CSMD1: variants seen among roughly 807,000 people sequenced by gnomAD.
CSMD1 encodes the protein CUB and sushi domain-containing protein 1.
A neutral mutation model predicts 417.5 loss-of-function variants in CSMD1; 213 were observed. The ratio of observed to expected loss-of-function variants is 0.51; its 90% CI spans 0.46 to 0.57. The LOEUF is 0.57. CSMD1 is among the 20% of genes least tolerant of loss of function. CSMD1 has a pLI of 0.00. For missense variants in CSMD1, 6,923 were observed against 4,529.7 expected (o/e 1.53, Z -15.17); for synonymous variants, 2,862 against 1,736.8 (o/e 1.65, Z -16.11).
chr8:3,875,439 A>G (rs1455015850), intron 5 of CSMD1, among the ~76,000 whole-genome samples: 1 of 152,012 alleles, frequency 6.6e-6, no homozygotes, highest in Non-Finnish European at 1.5e-5. Flanking sequence ...GGAGGGAGTG[A>G]GATGATGTAG....
intron 10 of CSMD1, among the ~76,000 whole-genome samples, chr8:3,506,756 C>A (rs1344588116): frequency 2.0e-5 from 3 of 152,136 alleles, no homozygotes; most frequent in African/African-American, 4.8e-5. Flanking sequence ...GATAATTCAA[C>A]AAGGTTGCTC....
chr8:4,242,091 G>A (rs1396216413), intron 3 of CSMD1, among the ~76,000 whole-genome samples: 1 of 152,058 alleles, frequency 6.6e-6, no homozygotes. Flanking sequence ...CAGAATTTTT[G>A]CATCATCATG....
chr8:3,292,669 C>T (rs1370966592), intron 25 of CSMD1, among the ~76,000 whole-genome samples: 2 of 151,996 alleles, frequency 1.3e-5, no homozygotes, highest in Admixed American at 6.5e-5. Context: ...TTTTGTTTTC[C>T]ATTTGCTTGG....
intron 3 of CSMD1, among the ~76,000 whole-genome samples, chr8:4,145,826 G>C (rs1252921734): frequency 6.6e-6 from 1 of 151,124 alleles, no homozygotes; most frequent in Non-Finnish European, 1.5e-5. Flanking sequence ...GGTTGGAATG[G>C]CTTCCAGGAA....
chr8:4,203,988 C>T (rs979887606), intron 3 of CSMD1, among the ~76,000 whole-genome samples: 8 of 152,210 alleles, frequency 5.3e-5, no homozygotes, highest in African/African-American at 1.7e-4. Flanking sequence ...GTGGTCCCAG[C>T]TACTCGGAAG....
chr8:4,214,015 A>G (rs1563284990), intron 3 of CSMD1, among the ~76,000 whole-genome samples: 1 of 152,212 alleles, frequency 6.6e-6, no homozygotes. Flanking sequence ...AGTTCTGACG[A>G]TGTAAGTAAC....
intron 3 of CSMD1, among the ~76,000 whole-genome samples, chr8:4,251,478 G>A (rs1182907546): frequency 6.6e-6 from 1 of 152,140 alleles, no homozygotes; most frequent in Non-Finnish European, 1.5e-5. Flanking sequence ...TGTTGTAGGA[G>A]CACATATTAG....
At chr8:4,546,875 C>A (rs1797661945) in intron 2 of CSMD1, among the ~76,000 whole-genome samples, 1 of 151,978 alleles carries the variant, frequency 6.6e-6, no homozygotes, top group Non-Finnish European at 1.5e-5. Flanking sequence ...TATCTGTACA[C>A]TGCTAGTTGT....
At chr8:4,979,908 G>A (rs1033128635) in intron 1 of CSMD1, among the ~76,000 whole-genome samples, 1 of 151,992 alleles carries the variant, frequency 6.6e-6, no homozygotes, top group Non-Finnish European at 1.5e-5. Flanking sequence ...CGTGAAGGTG[G>A]GCGCCAGTAC....
chr8:4,235,513 G>A (rs1160552636), intron 3 of CSMD1, among the ~76,000 whole-genome samples: 1 of 152,068 alleles, frequency 6.6e-6, no homozygotes, highest in Non-Finnish European at 1.5e-5. Context: ...AATCTTCTAA[G>A]TAATGGTACA....
chr8:3,636,198 C>T (rs1797037215), intron 7 of CSMD1, among the ~76,000 whole-genome samples: 1 of 152,144 alleles, frequency 6.6e-6, no homozygotes, highest in Non-Finnish European at 1.5e-5. Context: ...CATCTTGTCC[C>T]ATTGGAAGGT....
chr8:4,446,950 AC>A (rs1264268081), intron 2 of CSMD1, among the ~76,000 whole-genome samples: 1 of 151,342 alleles, frequency 6.6e-6, no homozygotes, highest in Admixed American at 6.6e-5. Context: ...AAAAAAAAAA[AC>A]ATTGGCCCTA....
At chr8:4,814,290 G>C (rs962205445) in intron 1 of CSMD1, among the ~76,000 whole-genome samples, 6 of 152,134 alleles carry the variant, frequency 3.9e-5, no homozygotes, top group Non-Finnish European at 8.8e-5. Context: ...TTAATGGCCA[G>C]GCTGGAGCGC....
intron 1 of CSMD1, among the ~76,000 whole-genome samples, chr8:4,909,609 G>A (rs12335154): frequency 0.048 from 7,299 of 152,212 alleles, 207 homozygotes; most frequent in African/African-American, 0.063. Context: ...TTCACCGTGA[G>A]CACTTCATGG....
intron 3 of CSMD1, among the ~76,000 whole-genome samples, chr8:4,336,160 T>A (rs1800157424): frequency 6.6e-6 from 1 of 152,142 alleles, no homozygotes; most frequent in Non-Finnish European, 1.5e-5. Context: ...CCCTGAATAA[T>A]CATACTCCTG....
chr8:4,654,419 C>A (rs1049183573), intron 1 of CSMD1, among the ~76,000 whole-genome samples: 2 of 152,074 alleles, frequency 1.3e-5, no homozygotes, highest in African/African-American at 4.8e-5. Flanking sequence ...AGAGCAAATT[C>A]TTTGCTTGGT....
chr8:3,811,129 A>G (rs2720887), intron 5 of CSMD1, among the ~76,000 whole-genome samples: 14,393 of 152,156 alleles, frequency 0.095, 1,011 homozygotes, highest in East Asian at 0.35. Flanking sequence ...ACCTATGTCC[A>G]TAACTCCTCT....
intron 2 of CSMD1, among the ~76,000 whole-genome samples, chr8:4,597,981 A>AT (rs1800375086): frequency 1.3e-5 from 2 of 151,514 alleles, no homozygotes; most frequent in Admixed American, 6.6e-5. Flanking sequence ...TATGTGATTT[A>AT]TTTTTATATA....
At chr8:3,485,782 T>C (rs868622155) in intron 11 of CSMD1, among the ~76,000 whole-genome samples, 2 of 119,952 alleles carry the variant, frequency 1.7e-5, no homozygotes, top group Admixed American at 9.4e-5. Flanking sequence ...TAAAATAAAA[T>C]AAAATAAAAT....
Sources: allele counts gnomAD v4.1 joint callset (sites outside exome capture counted in the v4.1 genomes callset), GRCh38; gene constraint gnomAD v4.1.1; transcripts MANE v1.5; gene names NCBI Gene and HGNC (gene_info 2026-07-23, HGNC 2026-07-21).